PRAF2: variants seen among roughly 807,000 people sequenced by gnomAD.
PRAF2 encodes PRA1 domain family member 2.
A neutral mutation model predicts 9.7 loss-of-function variants in PRAF2; 5 were observed. That is an observed-to-expected ratio of 0.51 (90% CI 0.27 to 1.08). The LOEUF is 1.08. PRAF2 is among the 50% of genes least tolerant of loss of function. The pLI is 0.12. For synonymous variants in PRAF2, 61 were observed against 76.6 expected (o/e 0.80, Z 1.06); for missense variants, 135 against 160.7 (o/e 0.84, Z 0.86).
In PRAF2 at chrX:49,073,966, G is replaced by C. The variant is rs782303680; in HGVS notation, c.22C>G (p.Pro8Ala). The C allele has an allele frequency of 3.3e-6, 4 of 1,203,225 alleles. No homozygotes were observed. Among genetic ancestry groups the C allele is most frequent in the Non-Finnish European group, 4.5e-6 (4 of 892,212 alleles). The change falls in exon 1 of 3, where the codon CCG becomes GCG. Residue 8 changes from proline to alanine, a missense_variant. Physicochemically the swap from Pro to Ala is conservative, Grantham distance 27 (BLOSUM62 -1). Transcript: ENST00000553851. The part of the protein sequence containing the change: MSEVRLP[P>A]LRALDDFVLG... ...ACAAAGTCGTCCAGGGCGCGTAGCG[G>C]TGGCAGCCGCACCTCCGACATCCTG... is the stretch of plus-strand genomic sequence containing the variant.
Position 49,073,828 on chromosome X carries a change from T to C in PRAF2, c.160A>G (p.Ile54Val). 3 of 1,211,998 alleles carry C rather than the reference T, an allele frequency of 2.5e-6. No individual in the cohort carries two copies. The highest frequency in any genetic ancestry group is 3.4e-6 in the Non-Finnish European group (3 of 895,458). The stretch of plus-strand genomic sequence containing the variant: ...CCTCACCCGGCGAGAGCGAGGCCGA[T>C]GCCGAAGCAGAGAAGGTAGTTGGTT... ...YQTNYLLCFGIGLALAGYVRP... is the reference protein window; with the variant it reads ...YQTNYLLCFGVGLALAGYVRP... The change falls in exon 1 of 3, where the codon ATC becomes GTC. Residue 54 changes from isoleucine to valine, a missense_variant. Transcript: ENST00000553851.
chrX:49,073,832 G>A lies in PRAF2; in HGVS notation c.156C>T (p.Phe52=), dbSNP rs782154900. The change falls in exon 1 of 3, where the codon TTC becomes TTT. Residue 52 remains phenylalanine (F), a synonymous_variant. Transcript: ENST00000553851. ...LYYQTNYLLC[F]GIGLALAGYV... ...ACCCGGCGAGAGCGAGGCCGATGCC[G>A]AAGCAGAGAAGGTAGTTGGTTTGGT... is the stretch of plus-strand genomic sequence containing the variant. The A allele has an allele frequency of 2.9e-5, 35 of 1,212,139 alleles. No homozygotes were observed. In the South Asian group the frequency reaches 3.2e-4, roughly 11 times the overall value.
chrX:49,072,678 C>T (rs1602535285), intron 1 of PRAF2, 28 bp from the exon 2 acceptor site: 1 of 1,153,058 alleles, frequency 8.7e-7, no homozygotes, highest in African/African-American at 1.8e-5. Context: ...CCAAGCTAGC[C>T]GGCCGGGCGG....
At chrX:49,072,245 G>A in intron 2 of PRAF2, 188 bp downstream of exon 2, 1 of 602,841 alleles carries the variant, frequency 1.7e-6, no homozygotes, top group Non-Finnish European at 2.6e-6. Flanking sequence ...AGTGAGATAG[G>A]AAAGGCGATA....
At chrX:49,072,978 C>G (rs1232089627) in intron 1 of PRAF2, among the ~76,000 whole-genome samples, 1 of 111,203 alleles carries the variant, frequency 9.0e-6, no homozygotes, top group African/African-American at 3.3e-5. Context: ...CGTAGGGCCC[C>G]TCATCAGCCT....
chrX:49,073,711 C>T (rs2065019581), intron 1 of PRAF2, 98 bp downstream of exon 1: 6 of 1,064,776 alleles, frequency 5.6e-6, no homozygotes, highest in Non-Finnish European at 7.6e-6. Context: ...CCCGGCCTTG[C>T]ACCCCCCTCA....
At position 49,072,643 on chromosome X, in the gene PRAF2, G is replaced by C; in HGVS notation, c.187C>G (p.Arg63Gly). The C allele has an allele frequency of 3.4e-6, 4 of 1,164,302 alleles. No individual in the cohort carries two copies. The highest frequency in any genetic ancestry group is 4.6e-6 in the Non-Finnish European group (4 of 872,196). Residue 63 changes from arginine to glycine, a missense_variant, in exon 2 of 3, where the codon CGG (arginine) becomes GGG (glycine). Physicochemically the swap from Arg to Gly is moderately radical, Grantham distance 125. Coordinates refer to ENST00000553851, the MANE Select transcript of PRAF2 (RefSeq NM_007213.3). ...GCGCTCAGGAGCGTATGAAGTGGCC[G>C]CACGTACCTGCGGGTACAAGGGAAC... ...GIGLALAGYVRPLHTLLSALV... is the reference protein window; with the variant it reads ...GIGLALAGYVGPLHTLLSALV...
chrX:49,072,224 T>C (rs782681383), intron 2 of PRAF2: 44 of 601,101 alleles, frequency 7.3e-5, no homozygotes, highest in Non-Finnish European at 1.0e-4. Flanking sequence ...TGGAAGGCAC[T>C]TAACACCAAG....
rs782510862 is a variant in PRAF2, at chrX:49,072,671, A to G, written c.180-21T>C. On this transcript the variant is annotated intron_variant, in intron 1 of 2. Transcript: ENST00000553851. The stretch of plus-strand genomic sequence containing the variant: ...CGTACCTGCGGGTACAAGGGAACCA[A>G]GCTAGCCGGCCGGGCGGAGAGACGG... 3 of 1,159,181 alleles carry G rather than the reference A, an allele frequency of 2.6e-6. No homozygotes were observed. In the South Asian group the frequency reaches 5.7e-5, roughly 22 times the overall value.
chrX:49,073,794 G>GCCTC lies in PRAF2; in HGVS notation c.179+11_179+14dup, dbSNP rs1557083550. On this transcript the variant is annotated intron_variant, in intron 1 of 2. Coordinates refer to ENST00000553851, the MANE Select transcript of PRAF2 (RefSeq NM_007213.3). ...CTGCAGACGTCCCTGGCCAACCGGC[G>GCCTC]CCTCCCTCCCTCACCCGGCGAGAGC... The GCCTC allele has an allele frequency of 1.1e-5, 13 of 1,208,710 alleles. No homozygotes were observed. The highest frequency in any genetic ancestry group is 1.8e-5 in the South Asian group (1 of 56,885).
chrX:49,072,580 C>T lies in PRAF2; in HGVS notation c.250G>A (p.Ala84Thr). The change falls in exon 2 of 3, where the codon GCA becomes ACA. Residue 84 changes from alanine to threonine, a missense_variant. Transcript: ENST00000553851. ...CGCACAGCTGCGCGGGTCTCAGCTG[C>T]CCACACCAGCACGCCGAGGGCCACC... ...VAVALGVLVW[A>T]AETRAAVRRC... is the part of the protein sequence containing the mutation. The T allele has an allele frequency of 8.6e-7, 1 of 1,165,341 alleles. No individual in the cohort carries two copies. The highest frequency in any genetic ancestry group is 1.1e-6 in the Non-Finnish European group (1 of 872,627).
chrX:49,072,058 A>C (rs1557083196), intron 2 of PRAF2, 50 bp from the exon 3 acceptor site: 1 of 1,167,465 alleles, frequency 8.6e-7, no homozygotes, highest in Non-Finnish European at 1.1e-6. Flanking sequence ...CTCAGCCTGC[A>C]GCCAACCGGG....
chrX:49,071,759 G>A lies in PRAF2; in HGVS notation c.*110C>T. ...GTCACAGATGTCCTGTTTTGTTTGGGCAGGGGGCTCTAGGCTCCTGTTTTA... is the reference window on the plus strand; with the variant it reads ...GTCACAGATGTCCTGTTTTGTTTGGACAGGGGGCTCTAGGCTCCTGTTTTA... On this transcript the variant is annotated 3_prime_UTR_variant, in exon 3 of 3. Coordinates refer to ENST00000553851, the MANE Select transcript of PRAF2 (RefSeq NM_007213.3). The A allele has an allele frequency of 1.1e-6, 1 of 951,608 alleles. No homozygotes were observed. Among genetic ancestry groups the A allele is most frequent in the Non-Finnish European group, 1.4e-6 (1 of 714,263 alleles). 78.4% of individuals were successfully genotyped at this position (951,608 alleles called of 1,213,427 possible). A position where few individuals can be genotyped will look rare whatever the true frequency, so the allele number is the denominator to read the frequency against.
In PRAF2 at chrX:49,071,888, T is replaced by C; in HGVS notation, c.518A>G (p.Glu173Gly). ...AGGGGCCTAGGATCCAGCCTCCTGCTCTTGTCCCAGTGCCTCTAGTAGCAG... is the reference window on the plus strand; with the variant it reads ...AGGGGCCTAGGATCCAGCCTCCTGCCCTTGTCCCAGTGCCTCTAGTAGCAG... ...MGLLLEALGQ[E>G]QEAGS Residue 173 changes from glutamate to glycine, a missense_variant, in exon 3 of 3, where the codon GAG becomes GGG. Coordinates refer to ENST00000553851, the MANE Select transcript of PRAF2 (RefSeq NM_007213.3). The C allele has an allele frequency of 8.3e-7, 1 of 1,209,826 alleles. No individual in the cohort carries two copies. Among genetic ancestry groups the C allele is most frequent in the Non-Finnish European group, 1.1e-6 (1 of 894,710 alleles).
At chrX:49,072,061 C>T in intron 2 of PRAF2, 53 bp from the exon 3 acceptor site, 6 of 1,158,971 alleles carry the variant, frequency 5.2e-6, no homozygotes, top group Non-Finnish European at 4.6e-6. Flanking sequence ...AGCCTGCAGC[C>T]AACCGGGGCC....
chrX:49,073,793 C>A lies in PRAF2; in HGVS notation c.179+16G>T. ...TCTGCAGACGTCCCTGGCCAACCGG[C>A]GCCTCCCTCCCTCACCCGGCGAGAG... is the stretch of plus-strand genomic sequence containing the variant. On this transcript the variant is annotated intron_variant, in intron 1 of 2. Coordinates refer to ENST00000553851, the MANE Select transcript of PRAF2 (RefSeq NM_007213.3). 8.3e-7 allele frequency: 1 copy of A among 1,209,669 alleles called. No homozygotes were observed. Among genetic ancestry groups the A allele is most frequent in the Non-Finnish European group, 1.1e-6 (1 of 893,831 alleles).
chrX:49,072,243 A>G, intron 2 of PRAF2, 190 bp downstream of exon 2: 3 of 596,408 alleles, frequency 5.0e-6, no homozygotes, highest in Non-Finnish European at 7.8e-6. Context: ...AGAGTGAGAT[A>G]GGAAAGGCGA....
In PRAF2 at chrX:49,071,470, A is replaced by G. The variant is rs781831064; in HGVS notation, c.*399T>C. ...GTTGGAAGGTAGGGTGGGGTCTGGAAAAGCTTTGGTCCAGGGTTCAAGATT... is the reference window on the plus strand; with the variant it reads ...GTTGGAAGGTAGGGTGGGGTCTGGAGAAGCTTTGGTCCAGGGTTCAAGATT... On this transcript the variant is annotated 3_prime_UTR_variant, in exon 3 of 3. Transcript: ENST00000553851. 1.4e-4 allele frequency: 16 copies of G among 118,355 alleles called. No individual in the cohort carries two copies. The highest frequency in any genetic ancestry group is 2.6e-4 in the Non-Finnish European group (15 of 57,722). The allele number at this position is 118,355 out of a possible 1,213,427, so 9.8% of individuals were successfully genotyped here.
At chrX:49,072,895 C>T (rs1165783163) in intron 1 of PRAF2, among the ~76,000 whole-genome samples, 5 of 111,055 alleles carry the variant, frequency 4.5e-5, no homozygotes, top group Non-Finnish European at 9.5e-5. Flanking sequence ...TTCAGGCCCT[C>T]CCATCCTGCT....
Sources: allele counts gnomAD v4.1 joint callset (sites outside exome capture counted in the v4.1 genomes callset), GRCh38; gene constraint gnomAD v4.1.1; transcripts MANE v1.5; gene names NCBI Gene and HGNC (gene_info 2026-07-23, HGNC 2026-07-21).